Variants in RTN4RL1 observed in about 807,000 individuals in gnomAD.
The protein encoded by RTN4RL1 is reticulon 4 receptor like 1, also known as reticulon-4 receptor-like 1.
In RTN4RL1, 7 loss-of-function variants were observed where a neutral mutation model predicts 25.6. The observed-to-expected ratio is 0.27, with a 90% CI of 0.16 to 0.51. The LOEUF (loss-of-function observed/expected upper bound fraction) is 0.51. Ranked by LOEUF, RTN4RL1 falls within the 20% of genes least tolerant of loss-of-function variation. The pLI, the probability that RTN4RL1 is intolerant of heterozygous loss-of-function variation, is 0.97. For synonymous variants in RTN4RL1, 297 were observed against 288.2 expected (o/e 1.03, Z -0.31); for missense variants, 500 against 615.6 (o/e 0.81, Z 1.99).
chr17:2,017,968 C>T (rs2067148473), intron 1 of RTN4RL1: 1 of 152,360 alleles, frequency 6.6e-6, no homozygotes, highest in African/African-American at 2.4e-5. Context: ...CCTAAAGAAT[C>T]ACGGGGAGAA....
Position 1,935,401 on chromosome 17 carries a change from G to C in RTN4RL1, c.*1095C>G, listed in dbSNP as rs978617943. On this transcript the variant is annotated 3_prime_UTR_variant, in exon 2 of 2. Transcript: ENST00000331238. ...ACAGGGCGCTCCAGGGTGGCAGACAGGCTTGTGTTGCATATAAAAACAAGG... is the reference window on the plus strand; with the variant it reads ...ACAGGGCGCTCCAGGGTGGCAGACACGCTTGTGTTGCATATAAAAACAAGG... 2.5e-5 allele frequency: 7 copies of C among 280,218 alleles called. No homozygotes were observed. The highest frequency in any genetic ancestry group is 3.2e-5 in the Non-Finnish European group (6 of 184,954). 17.4% of individuals were successfully genotyped at this position (280,218 alleles called of 1,614,324 possible).
At chr17:1,996,396 C>A (rs554678113) in intron 1 of RTN4RL1, among the ~76,000 whole-genome samples, 34 of 150,044 alleles carry the variant, frequency 2.3e-4, no homozygotes, top group Admixed American at 4.0e-4. Flanking sequence ...TCCCCTCCCC[C>A]CCGGCCCAAG....
At position 1,936,377 on chromosome 17, in the gene RTN4RL1, A is replaced by G; in HGVS notation, c.*119T>C. ...GGTCCAGACGTCCAGACAGCAGCCG[A>G]AGGCTCTACCAGCCTTTTCCTGAAA... On this transcript the variant is annotated 3_prime_UTR_variant, in exon 2 of 2. Coordinates refer to ENST00000331238, the MANE Select transcript of RTN4RL1 (RefSeq NM_178568.4). 3.5e-6 allele frequency: 5 copies of G among 1,446,096 alleles called. No homozygotes were observed. Among genetic ancestry groups the G allele is most frequent in the Non-Finnish European group, 4.5e-6 (5 of 1,105,568 alleles). 89.6% of individuals were successfully genotyped at this position (1,446,096 alleles called of 1,614,324 possible). A position where few individuals can be genotyped will look rare whatever the true frequency, so the allele number is the denominator to read the frequency against.
At chr17:1,995,012 G>A (rs1425138377) in intron 1 of RTN4RL1, among the ~76,000 whole-genome samples, 5 of 152,134 alleles carry the variant, frequency 3.3e-5, no homozygotes, top group African/African-American at 1.2e-4. Flanking sequence ...CCCTGTGTCT[G>A]GAGCATGTGG....
At chr17:1,956,806 G>A (rs1040619480) in intron 1 of RTN4RL1, among the ~76,000 whole-genome samples, 8 of 148,688 alleles carry the variant, frequency 5.4e-5, no homozygotes, top group Non-Finnish European at 7.4e-5. Flanking sequence ...GCAATGGTGC[G>A]ATCTCAGCTC....
At chr17:1,977,814 G>A (rs991215924) in intron 1 of RTN4RL1, among the ~76,000 whole-genome samples, 1 of 152,098 alleles carries the variant, frequency 6.6e-6, no homozygotes, top group Non-Finnish European at 1.5e-5. Context: ...AGGGCGAGCG[G>A]CGCTCCCGGG....
rs1435542343 is a variant in RTN4RL1 at position 1,998,812 on chromosome 17, TA to T, written c.13+26040del. Among the ~76,000 whole-genome samples the T allele has an allele frequency of 1.3e-5, 2 of 152,018 alleles. No homozygotes were observed. Among genetic ancestry groups the T allele is most frequent in the African/African-American group, 4.8e-5 (2 of 41,388 alleles). ...TGGGGGTGGGGCTCTGCGAGGGCCC[TA>T]AAAACGCTGGGGACGCGGGTTTGAC... On this transcript the variant is annotated intron_variant, in intron 1 of 1. Transcript: ENST00000331238. This position sits in a 1 kb window ranked among gnomAD's most constrained non-coding sequence, Gnocchi z 4.9.
At chr17:2,008,418 C>A (rs1028609028) in intron 1 of RTN4RL1, among the ~76,000 whole-genome samples, 1 of 152,114 alleles carries the variant, frequency 6.6e-6, no homozygotes, top group African/African-American at 2.4e-5. Flanking sequence ...ACGGGTGCAT[C>A]TGCGTGAACG....
At chr17:2,002,192 TCTTC>T (rs1208655091) in intron 1 of RTN4RL1, among the ~76,000 whole-genome samples, 8 of 151,908 alleles carry the variant, frequency 5.3e-5, no homozygotes, top group Admixed American at 3.9e-4. Flanking sequence ...GCAAGGACTG[TCTTC>T]CTTCCTTCCT....
intron 1 of RTN4RL1, among the ~76,000 whole-genome samples, chr17:2,000,743 C>T (rs1291493500): frequency 6.6e-6 from 1 of 152,106 alleles, no homozygotes; most frequent in Non-Finnish European, 1.5e-5. Flanking sequence ...TGGTCTTGAA[C>T]TCCTGACCTC....
At chr17:2,021,702 G>C (rs2067206051) in intron 1 of RTN4RL1, among the ~76,000 whole-genome samples, 1 of 151,708 alleles carries the variant, frequency 6.6e-6, no homozygotes, top group Admixed American at 6.6e-5. Context: ...TTACAGGCAT[G>C]AACCAGCACG....
chr17:1,957,569 A>G lies in RTN4RL1; in HGVS notation c.14-19761T>C, dbSNP rs956018596. 2.6e-5 allele frequency among the ~76,000 whole-genome samples: 4 copies of G among 152,248 alleles called. No individual in the cohort carries two copies. The South Asian group carries it at 8.3e-4, about 32-fold the overall frequency. Reference sequence around the variant, plus strand: ...AAAGTGAGGTGGCAGGGCCGGGTGCAGTGGCTCACACCTGTAATCCCAGCA... The same window carrying G: ...AAAGTGAGGTGGCAGGGCCGGGTGCGGTGGCTCACACCTGTAATCCCAGCA... On this transcript the variant is annotated intron_variant, in intron 1 of 1. Coordinates refer to ENST00000331238, the MANE Select transcript of RTN4RL1 (RefSeq NM_178568.4).
At chr17:2,017,542 C>T (rs1203111048) in intron 1 of RTN4RL1, among the ~76,000 whole-genome samples, 1 of 152,266 alleles carries the variant, frequency 6.6e-6, no homozygotes, top group Non-Finnish European at 1.5e-5. Flanking sequence ...TGCCACGGCA[C>T]CGAGCCCTGC....
intron 1 of RTN4RL1, among the ~76,000 whole-genome samples, chr17:1,939,653 T>G (rs912318231): frequency 3.0e-4 from 46 of 152,320 alleles, no homozygotes; most frequent in African/African-American, 1.1e-3. Flanking sequence ...CGTTAATGGA[T>G]CCTTAAAATA....
chr17:1,949,650 C>T (rs1236372045), intron 1 of RTN4RL1, among the ~76,000 whole-genome samples: 1 of 152,174 alleles, frequency 6.6e-6, no homozygotes, highest in African/African-American at 2.4e-5. Context: ...CCTTCATTCA[C>T]GAGAGTGACT....
intron 1 of RTN4RL1, among the ~76,000 whole-genome samples, chr17:1,997,960 C>G (rs1389617684): frequency 6.6e-6 from 1 of 152,226 alleles, no homozygotes; most frequent in East Asian, 1.9e-4. Context: ...GCGCAGGTGC[C>G]TTCGGTTGGG....
intron 1 of RTN4RL1, among the ~76,000 whole-genome samples, chr17:1,999,954 C>T (rs2066949671): frequency 6.6e-6 from 1 of 152,228 alleles, no homozygotes; most frequent in African/African-American, 2.4e-5. Context: ...CCCTGGAGGC[C>T]AGGTGGCCAA....
In RTN4RL1 at chr17:1,998,776, C is replaced by CG. The variant is rs2066941904; in HGVS notation, c.13+26076dup. Among the ~76,000 whole-genome samples the CG allele has an allele frequency of 1.6e-5, 1 of 63,726 alleles. No homozygotes were observed. The highest frequency in any genetic ancestry group is 3.6e-5 in the Non-Finnish European group (1 of 27,642). 41.8% of individuals were successfully genotyped at this position (63,726 alleles called of 152,430 possible). Reference sequence around the variant, plus strand: ...GGCGGCCTCGCGCGCACGGGGACCCCGGGGTGGGGGTGGGGGTGGGGCTCT... The same window carrying CG: ...GGCGGCCTCGCGCGCACGGGGACCCCGGGGGTGGGGGTGGGGGTGGGGCTCT... On this transcript the variant is annotated intron_variant, in intron 1 of 1. Transcript: ENST00000331238. The surrounding 1 kb of genome is among the most constrained non-coding windows in gnomAD (Gnocchi z 4.9).
chr17:1,994,526 A>G lies in RTN4RL1; in HGVS notation c.13+30327T>C, dbSNP rs4790859. On this transcript the variant is annotated intron_variant, in intron 1 of 1. Transcript: ENST00000331238. The surrounding 1 kb of genome is among the most constrained non-coding windows in gnomAD (Gnocchi z 4.3). Reference sequence around the variant, plus strand: ...AAGGGGCCTGCTCCATCCCCTTCCCACCAGCTTGCGAGCTTATCAAACCCA... The same window carrying G: ...AAGGGGCCTGCTCCATCCCCTTCCCGCCAGCTTGCGAGCTTATCAAACCCA... Among the ~76,000 whole-genome samples the G allele has an allele frequency of 0.6, 91,619 of 152,048 alleles. 29,594 individuals are homozygous for G. The highest frequency in any genetic ancestry group is 0.84 in the African/African-American group (35,073 of 41,514).
Sources: gnomAD v4.1 joint callset for allele counts (sites outside exome capture counted in the v4.1 genomes callset) on GRCh38, gnomAD v4.1.1 for gene constraint, Gnocchi (gnomAD v3.1) non-coding constraint, MANE v1.5 for transcripts, NCBI Gene and HGNC (gene_info 2026-07-23, HGNC 2026-07-21) for gene names.